The following SERINC5 variants were observed in gnomAD, a reference collection of about 807,000 sequenced individuals.
SERINC5 encodes chromosome 5 open reading frame 12.
Under a neutral mutation model 63.1 loss-of-function variants are expected in SERINC5, and 41 were observed. That is an observed-to-expected ratio of 0.65 (90% CI 0.51 to 0.84). The LOEUF is 0.84. Ranked by LOEUF, SERINC5 falls within the 40% of genes least tolerant of loss-of-function variation. The pLI, the probability that SERINC5 is intolerant of heterozygous loss-of-function variation, is 0.00. For synonymous variants in SERINC5, 222 were observed against 215.2 expected (o/e 1.03, Z -0.28); for missense variants, 523 against 573.0 (o/e 0.91, Z 0.89).
chr5:80,190,544 C>A (rs1749118609), intron 2 of SERINC5, among the ~76,000 whole-genome samples: 1 of 152,154 alleles, frequency 6.6e-6, no homozygotes, highest in South Asian at 2.1e-4. Flanking sequence ...AGGTATTGCT[C>A]TAAACTAGGG....
At chr5:80,112,669 G>A (rs758160030) in intron 12 of SERINC5, among the ~76,000 whole-genome samples, 23 of 152,082 alleles carry the variant, frequency 1.5e-4, no homozygotes, top group African/African-American at 2.2e-4. Flanking sequence ...TGTTTAGGCC[G>A]GGTGCAATAG....
At chr5:80,165,413 A>C (rs976682555) in intron 7 of SERINC5, among the ~76,000 whole-genome samples, 1 of 152,202 alleles carries the variant, frequency 6.6e-6, no homozygotes, top group Non-Finnish European at 1.5e-5. Flanking sequence ...TATAAGCTCA[A>C]ATATACTCAA....
At position 80,161,612 on chromosome 5, in the gene SERINC5, A is replaced by G. The variant is rs183984644; in HGVS notation, c.860-2650T>C. On this transcript the variant is annotated intron_variant, in intron 7 of 11. Transcript: ENST00000507668. ...TGTAAATTCTGCATATTGCTCCCCT[A>G]TAAGACACAGTTTGCAAATATTTTC... Among the ~76,000 whole-genome samples the G allele has an allele frequency of 2.4e-4, 36 of 152,250 alleles. No homozygotes were observed. In the East Asian group the frequency reaches 6.2e-3, roughly 26 times the overall value.
intron 2 of SERINC5, among the ~76,000 whole-genome samples, chr5:80,190,790 A>T (rs1366132311): frequency 6.6e-6 from 1 of 152,202 alleles, no homozygotes; most frequent in Non-Finnish European, 1.5e-5. Flanking sequence ...GAGCCCCATT[A>T]CCTGTTCCCC....
rs1745635125 is a variant in SERINC5 at position 80,143,525 on chromosome 5, AGAT to A, written c.*135_*137del. ...TTTCAAAAGTAAAAAGCTAATCAGG[AGAT>A]TTTTTTTTTTCTCTCTCAAAGCTTT... On this transcript the variant is annotated 3_prime_UTR_variant, in exon 12 of 12. Transcript: ENST00000507668. 1 of 1,371,606 alleles carries A rather than the reference AGAT, an allele frequency of 7.3e-7. No homozygotes were observed. Among genetic ancestry groups the A allele is most frequent in the African/African-American group, 1.5e-5 (1 of 68,026 alleles). 85.0% of individuals were successfully genotyped at this position (1,371,606 alleles called of 1,614,324 possible). A position where few individuals can be genotyped will look rare whatever the true frequency, so the allele number is the denominator to read the frequency against.
chr5:80,154,716 C>T (rs560393516), intron 8 of SERINC5, among the ~76,000 whole-genome samples: 1 of 152,236 alleles, frequency 6.6e-6, no homozygotes, highest in South Asian at 2.1e-4. Flanking sequence ...CGAACCTCCC[C>T]ACTTCAAACT....
chr5:80,182,543 CG>C (rs59623080), intron 2 of SERINC5, among the ~76,000 whole-genome samples: 60,806 of 128,586 alleles, frequency 0.47, 16,442 homozygotes, highest in African/African-American at 0.65. Context: ...ATCATCTGAC[CG>C]CCCCCCCCCC....
chr5:80,216,254 C>G (rs1750658571), intron 1 of SERINC5, among the ~76,000 whole-genome samples: 1 of 152,146 alleles, frequency 6.6e-6, no homozygotes, highest in South Asian at 2.1e-4. Flanking sequence ...TCAGCAGCGC[C>G]CCTCCCTGCC....
chr5:80,200,991 C>T (rs1471984299), intron 2 of SERINC5, among the ~76,000 whole-genome samples: 3 of 151,900 alleles, frequency 2.0e-5, no homozygotes, highest in Non-Finnish European at 4.4e-5. Context: ...CCCAACTACT[C>T]GGGAGGCTGA....
At chr5:80,134,925 C>CTT (rs1745099928), downstream of SERINC5, among the ~76,000 whole-genome samples, 1 of 152,168 alleles carries the variant, frequency 6.6e-6, no homozygotes, top group Admixed American at 6.5e-5. Flanking sequence ...ACAGAAAACT[C>CTT]ACAATGTTTT....
chr5:80,175,266 A>G (rs1393666415), intron 4 of SERINC5, among the ~76,000 whole-genome samples: 1 of 152,214 alleles, frequency 6.6e-6, no homozygotes, highest in Non-Finnish European at 1.5e-5. Context: ...AATAAATGGT[A>G]TAGTTGGGAT....
chr5:80,227,009 T>G (rs904516359), intron 1 of SERINC5, among the ~76,000 whole-genome samples: 1 of 152,124 alleles, frequency 6.6e-6, no homozygotes, highest in Non-Finnish European at 1.5e-5. Flanking sequence ...AATTCTCCTG[T>G]CTCAGCATCC....
intron 1 of SERINC5, among the ~76,000 whole-genome samples, chr5:80,229,543 C>CA (rs977057695): frequency 3.9e-5 from 6 of 151,968 alleles, no homozygotes; most frequent in Admixed American, 2.6e-4. Context: ...AAGTAAACAA[C>CA]AAAAAATTGC....
At position 80,140,783 on chromosome 5, in the gene SERINC5, T is replaced by C. The variant is rs1316575516; in HGVS notation, c.*2880A>G. 3.0e-6 allele frequency: 3 copies of C among 985,234 alleles called. No homozygotes were observed. Among genetic ancestry groups the C allele is most frequent in the Non-Finnish European group, 2.4e-6 (2 of 829,914 alleles). The allele number at this position is 985,234 out of a possible 1,614,324, so 61.0% of individuals were successfully genotyped here. ...CATAAAAATGAGGGGAAAACTTTTC[T>C]ACATCAGACAAATCACACAGAGGAA... On this transcript the variant is annotated 3_prime_UTR_variant, in exon 12 of 12. Coordinates refer to ENST00000507668, the MANE Select transcript of SERINC5 (RefSeq NM_001174072.3).
At chr5:80,224,553 T>C (rs1010553542) in intron 1 of SERINC5, among the ~76,000 whole-genome samples, 6 of 151,864 alleles carry the variant, frequency 4.0e-5, no homozygotes, top group African/African-American at 1.5e-4. Context: ...AGGGAGAAAT[T>C]GGGGAAGAAA....
In SERINC5 at chr5:80,142,519, C is replaced by T. The variant is rs1561361882; in HGVS notation, c.*1144G>A. On this transcript the variant is annotated 3_prime_UTR_variant, in exon 12 of 12. Coordinates refer to ENST00000507668, the MANE Select transcript of SERINC5 (RefSeq NM_001174072.3). ...TCTTTTTAAGTATATTCGGCCACTTCCACACATTGCCTAACAAGCTTCTTC... is the reference window on the plus strand; with the variant it reads ...TCTTTTTAAGTATATTCGGCCACTTTCACACATTGCCTAACAAGCTTCTTC... 2 of 985,468 alleles carry T rather than the reference C, an allele frequency of 2.0e-6. No homozygotes were observed. Among genetic ancestry groups the T allele is most frequent in the East Asian group, 1.1e-4 (1 of 8,810 alleles). 61.0% of individuals were successfully genotyped at this position (985,468 alleles called of 1,614,324 possible).
intron 1 of SERINC5, chr5:80,255,080 A>G (rs1752591555): frequency 6.6e-6 from 1 of 152,254 alleles, no homozygotes; most frequent in African/African-American, 2.4e-5. Flanking sequence ...CAAGAGACTC[A>G]CCTACTTCGT....
chr5:80,176,106 G>C (rs1184932886), intron 4 of SERINC5, among the ~76,000 whole-genome samples: 4 of 152,036 alleles, frequency 2.6e-5, no homozygotes, highest in African/African-American at 9.7e-5. Context: ...TTGAACCCGT[G>C]AGGCAGAGGC....
At chr5:80,176,734 G>T (rs1214197352) in intron 4 of SERINC5, among the ~76,000 whole-genome samples, 1 of 152,108 alleles carries the variant, frequency 6.6e-6, no homozygotes, top group East Asian at 1.9e-4. Context: ...ACCACGCCTG[G>T]CCTAAATGTT....
Sources: allele counts gnomAD v4.1 joint callset (sites outside exome capture counted in the v4.1 genomes callset), GRCh38; gene constraint gnomAD v4.1.1; transcripts MANE v1.5; gene names NCBI Gene and HGNC (gene_info 2026-07-23, HGNC 2026-07-21).